The following ZDHHC14 variants were observed in gnomAD, a reference collection of about 807,000 sequenced individuals.
The protein encoded by ZDHHC14 is palmitoyltransferase ZDHHC14.
Under a neutral mutation model 47.7 loss-of-function variants are expected in ZDHHC14, and 16 were observed. The ratio of observed to expected loss-of-function variants is 0.34; its 90% CI spans 0.23 to 0.51. ZDHHC14 has a LOEUF of 0.51. Among genes scored for constraint, ZDHHC14 ranks in the 20% least tolerant of loss-of-function variants. ZDHHC14 has a pLI of 0.97. For synonymous variants in ZDHHC14, 293 were observed against 278.9 expected, an observed-to-expected ratio of 1.05 and a Z score of -0.50; for missense variants, 515 against 662.5, an observed-to-expected ratio of 0.78 and a Z score of 2.44.
At chr6:157,505,424 G>C (rs923828284) in intron 1 of ZDHHC14, among the ~76,000 whole-genome samples, 3 of 152,156 alleles carry the variant, frequency 2.0e-5, no homozygotes, top group South Asian at 4.1e-4. Flanking sequence ...ATATAACTAA[G>C]GCAACAGGAA....
chr6:157,382,075 C>T lies in ZDHHC14; in HGVS notation c.54C>T (p.Ser18=). The change falls in exon 1 of 9, where the codon AGC becomes AGT. Residue 18 remains serine (S), a synonymous_variant. Transcript: ENST00000359775. ...PMKDCEYSQI[S]THSSSPMESP... ...AAGACTGCGAGTACAGCCAGATCAG[C>T]ACCCACAGCTCCTCCCCCATGGAGT... The T allele has an allele frequency of 6.2e-7, 1 of 1,606,342 alleles. No individual in the cohort carries two copies. The highest frequency in any genetic ancestry group is 8.5e-7 in the Non-Finnish European group (1 of 1,176,730).
chr6:157,390,918 GC>G (rs573445188), intron 1 of ZDHHC14, among the ~76,000 whole-genome samples: 64 of 152,036 alleles, frequency 4.2e-4, no homozygotes, highest in African/African-American at 1.5e-3. Context: ...CTTCCTTCAT[GC>G]CTTGTAATTT....
At chr6:157,624,024 T>C (rs1785301584) in intron 3 of ZDHHC14, among the ~76,000 whole-genome samples, 2 of 152,158 alleles carry the variant, frequency 1.3e-5, no homozygotes, top group Non-Finnish European at 2.9e-5. Flanking sequence ...AGGACAGCCA[T>C]TCAATTTTTC....
intron 1 of ZDHHC14, among the ~76,000 whole-genome samples, chr6:157,526,352 T>A (rs904461382): frequency 3.9e-5 from 6 of 152,076 alleles, no homozygotes; most frequent in African/African-American, 1.4e-4. Context: ...AGTGCCCCAG[T>A]GCCCGGCGTC....
intron 1 of ZDHHC14, among the ~76,000 whole-genome samples, chr6:157,472,818 A>G (rs893241657): frequency 1.3e-5 from 2 of 152,224 alleles, no homozygotes; most frequent in Admixed American, 1.3e-4. Flanking sequence ...GAAATTTTCC[A>G]GCATTTATTG....
intron 3 of ZDHHC14, among the ~76,000 whole-genome samples, chr6:157,603,844 C>G (rs1784429607): frequency 6.6e-6 from 1 of 152,170 alleles, no homozygotes; most frequent in South Asian, 2.1e-4. Context: ...TCCCTTACAA[C>G]CTCTGCCTGT....
intron 1 of ZDHHC14, among the ~76,000 whole-genome samples, chr6:157,519,064 A>C (rs529275087): frequency 6.6e-6 from 1 of 152,232 alleles, no homozygotes; most frequent in Non-Finnish European, 1.5e-5. Flanking sequence ...GGGCTGGCTC[A>C]TGGCTCACTG....
intron 1 of ZDHHC14, among the ~76,000 whole-genome samples, chr6:157,478,718 C>G (rs1287712250): frequency 2.6e-5 from 4 of 152,188 alleles, no homozygotes; most frequent in African/African-American, 9.7e-5. Flanking sequence ...CAAATATCAG[C>G]CTCTAGAAAG....
chr6:157,513,412 A>C (rs1780566049), intron 1 of ZDHHC14, among the ~76,000 whole-genome samples: 1 of 152,210 alleles, frequency 6.6e-6, no homozygotes, highest in Non-Finnish European at 1.5e-5. Flanking sequence ...ATAGTAAGTC[A>C]GTTTCATTCT....
In ZDHHC14 at chr6:157,540,500, A is replaced by G. The variant is rs147878815; in HGVS notation, c.246-2085A>G. On this transcript the variant is annotated intron_variant, in intron 1 of 8. Coordinates refer to ENST00000359775, the MANE Select transcript of ZDHHC14 (RefSeq NM_024630.3). ...TCACCCTCACAGGAGGGTTCTGGCC[A>G]TTCACAAGTAGCCATCCTTGGAGAA... 3.5e-3 allele frequency among the ~76,000 whole-genome samples: 532 copies of G among 152,344 alleles called. 1 individual carries two copies. The highest frequency in any genetic ancestry group is 5.8e-3 in the Non-Finnish European group (395 of 68,034).
chr6:157,532,668 G>T (rs1323971756), intron 1 of ZDHHC14, among the ~76,000 whole-genome samples: 6 of 152,172 alleles, frequency 3.9e-5, no homozygotes, highest in Admixed American at 3.9e-4. Context: ...AAGAAGTTGG[G>T]TACAGACCAG....
chr6:157,668,404 C>G (rs1280426497), intron 8 of ZDHHC14, among the ~76,000 whole-genome samples: 1 of 151,864 alleles, frequency 6.6e-6, no homozygotes, highest in Admixed American at 6.6e-5. Context: ...GGCTTACGGG[C>G]TAGGCACGGT....
chr6:157,641,808 G>A (rs184984605), intron 5 of ZDHHC14, among the ~76,000 whole-genome samples: 69 of 152,204 alleles, frequency 4.5e-4, no homozygotes, highest in Admixed American at 1.7e-3. Flanking sequence ...TGTTTCTTAC[G>A]TTTGGTGCAG....
intron 1 of ZDHHC14, among the ~76,000 whole-genome samples, chr6:157,385,454 A>T (rs1367751626): frequency 2.6e-5 from 4 of 152,272 alleles, no homozygotes; most frequent in Non-Finnish European, 1.5e-5. Context: ...CCCCAGTTAC[A>T]CAAAAGCAAA....
At chr6:157,404,842 G>C (rs992299796) in intron 1 of ZDHHC14, among the ~76,000 whole-genome samples, 3 of 152,264 alleles carry the variant, frequency 2.0e-5, no homozygotes, top group South Asian at 2.1e-4. Flanking sequence ...TTATATTTCA[G>C]CTCTTCCTCA....
At chr6:157,558,936 T>A (rs987582560) in intron 2 of ZDHHC14, among the ~76,000 whole-genome samples, 1 of 151,574 alleles carries the variant, frequency 6.6e-6, no homozygotes, top group African/African-American at 2.4e-5. Context: ...GAGGGTGGAT[T>A]TCCCCCCAGC....
At chr6:157,629,743 C>G (rs993317053) in intron 4 of ZDHHC14, 96 of 152,260 alleles carry the variant, frequency 6.3e-4, no homozygotes, top group African/African-American at 2.2e-3. Flanking sequence ...ACAATGGACA[C>G]CCGCCTTTTC....
At chr6:157,568,972 G>A (rs527762864) in intron 2 of ZDHHC14, among the ~76,000 whole-genome samples, 2 of 151,954 alleles carry the variant, frequency 1.3e-5, no homozygotes, top group South Asian at 4.2e-4. Context: ...ATTTATTAGA[G>A]CTCTTTAAAG....
At chr6:157,604,286 TAAAAAAAA>T (rs201921035) in intron 3 of ZDHHC14, among the ~76,000 whole-genome samples, 1 of 140,524 alleles carries the variant, frequency 7.1e-6, no homozygotes, top group Admixed American at 7.0e-5. Context: ...AAGCCTGTCT[TAAAAAAAA>T]AAAAAAAAAA....
Sources: allele counts gnomAD v4.1 joint callset (sites outside exome capture counted in the v4.1 genomes callset), GRCh38; gene constraint gnomAD v4.1.1; transcripts MANE v1.5; gene names NCBI Gene and HGNC (gene_info 2026-07-23, HGNC 2026-07-21).